Variants in IQSEC1 observed in about 807,000 individuals in gnomAD.
IQSEC1 encodes IQ motif and SEC7 domain-containing protein 1.
Under a neutral mutation model 91.0 loss-of-function variants are expected in IQSEC1, and 31 were observed. The ratio of observed to expected loss-of-function variants is 0.34; its 90% CI spans 0.26 to 0.46. IQSEC1 has a LOEUF of 0.46. Among genes scored for constraint, IQSEC1 ranks in the 20% least tolerant of loss-of-function variants. IQSEC1 has a pLI of 1.00. For synonymous variants in IQSEC1, 699 were observed against 662.6 expected, an observed-to-expected ratio of 1.05 and a Z score of -0.84; for missense variants, 1,388 against 1,575.6, an observed-to-expected ratio of 0.88 and a Z score of 2.02.
intron 1 of IQSEC1, among the ~76,000 whole-genome samples, chr3:12,942,620 G>A (rs1419743055): frequency 1.3e-5 from 2 of 151,724 alleles, no homozygotes; most frequent in Admixed American, 6.6e-5. Flanking sequence ...AAAAAGAAAA[G>A]CCCCAATAAT....
chr3:12,964,454 A>G (rs891423153), intron 1 of IQSEC1, among the ~76,000 whole-genome samples: 8 of 152,214 alleles, frequency 5.3e-5, no homozygotes, highest in Non-Finnish European at 8.8e-5. Flanking sequence ...GGAAATTTAC[A>G]AAACAGGAAG....
In IQSEC1 at chr3:12,908,525, G is replaced by T; in HGVS notation, c.2579C>A (p.Ser860Ter). 6.2e-7 allele frequency: 1 copy of T among 1,613,536 alleles called. No homozygotes were observed. The highest frequency in any genetic ancestry group is 8.5e-7 in the Non-Finnish European group (1 of 1,180,014). The change falls in exon 12 of 14, where the codon TCG becomes TAG. Residue 860 changes from serine (S) to a stop codon, truncating the protein, a stop_gained and splice_region_variant. Transcript: ENST00000613206. LOFTEE classifies it high-confidence loss of function. This position sits in a 1 kb window ranked among gnomAD's most constrained non-coding sequence, Gnocchi z 4.9. ...VQEMEKHRIESELEKQKGVVR... is the reference protein window; with the variant it reads ...VQEMEKHRIE ...GACGCCTTTCTGCTTCTCGAGCTCC[G>T]CTGGAACAGAGAGGGTGAGGGTCCT...
At chr3:13,040,726 G>A (rs1054656506) in intron 1 of IQSEC1, among the ~76,000 whole-genome samples, 2 of 152,174 alleles carry the variant, frequency 1.3e-5, no homozygotes, top group African/African-American at 4.8e-5. Context: ...AAGCCTCTGG[G>A]TTTTTCCCAT....
At chr3:13,137,147 A>G (rs577388955) in intron 2 of IQSEC1, among the ~76,000 whole-genome samples, 3 of 152,094 alleles carry the variant, frequency 2.0e-5, no homozygotes, top group Non-Finnish European at 4.4e-5. Flanking sequence ...AAAGAAAATC[A>G]TTTTGTCATT....
intron 1 of IQSEC1, among the ~76,000 whole-genome samples, chr3:13,192,013 C>T (rs1201989601): frequency 6.6e-6 from 1 of 152,188 alleles, no homozygotes; most frequent in East Asian, 1.9e-4. Context: ...TTCTAGCCTC[C>T]AGTACCTCAT....
At chr3:12,993,185 G>A (rs1702066719) in intron 1 of IQSEC1, among the ~76,000 whole-genome samples, 1 of 152,184 alleles carries the variant, frequency 6.6e-6, no homozygotes. Flanking sequence ...TCTCCTGGAG[G>A]TCTACCGGGA....
intron 1 of IQSEC1, among the ~76,000 whole-genome samples, chr3:12,946,643 A>C (rs976780569): frequency 1.8e-4 from 27 of 152,258 alleles, no homozygotes; most frequent in Admixed American, 3.9e-4. Flanking sequence ...ATAACATCAA[A>C]ATGGGGTAAA....
At chr3:13,183,619 T>C (rs1010616202) in intron 1 of IQSEC1, among the ~76,000 whole-genome samples, 1 of 152,126 alleles carries the variant, frequency 6.6e-6, no homozygotes, top group Non-Finnish European at 1.5e-5. Context: ...TAGGCTAAAT[T>C]GGAAGAAGTC....
intron 2 of IQSEC1, among the ~76,000 whole-genome samples, chr3:13,134,450 G>A (rs991519624): frequency 2.6e-5 from 4 of 152,228 alleles, no homozygotes; most frequent in Non-Finnish European, 4.4e-5. Context: ...GAGCCTGGGC[G>A]TCCTGGAGCA....
At chr3:13,281,663 A>C (rs1695792464) in intron 1 of IQSEC1, among the ~76,000 whole-genome samples, 1 of 152,086 alleles carries the variant, frequency 6.6e-6, no homozygotes, top group South Asian at 2.1e-4. Flanking sequence ...GACTCCTGGG[A>C]ATCAGGAACC....
chr3:12,999,502 T>G (rs1206497013), intron 1 of IQSEC1, among the ~76,000 whole-genome samples: 1 of 152,188 alleles, frequency 6.6e-6, no homozygotes, highest in Non-Finnish European at 1.5e-5. Flanking sequence ...CTGTCTGGGT[T>G]GGAGGTCAGT....
At chr3:13,065,677 G>A (rs1461981512) in intron 1 of IQSEC1, among the ~76,000 whole-genome samples, 1 of 152,206 alleles carries the variant, frequency 6.6e-6, no homozygotes, top group East Asian at 1.9e-4. Flanking sequence ...ACAGTATGGC[G>A]GCTCTTCAAA....
At chr3:12,937,225 G>A (rs1467687186) in intron 2 of IQSEC1, among the ~76,000 whole-genome samples, 1 of 152,192 alleles carries the variant, frequency 6.6e-6, no homozygotes, top group Non-Finnish European at 1.5e-5. Flanking sequence ...GAGCCACCAT[G>A]CAGGGCCTCA....
intron 1 of IQSEC1, among the ~76,000 whole-genome samples, chr3:13,071,457 C>G (rs1705424004): frequency 6.6e-6 from 1 of 152,184 alleles, no homozygotes; most frequent in Non-Finnish European, 1.5e-5. Flanking sequence ...TTTAGAATTT[C>G]TCTGGCATCA....
chr3:13,109,066 C>T (rs1706198413), intron 2 of IQSEC1, among the ~76,000 whole-genome samples: 1 of 152,220 alleles, frequency 6.6e-6, no homozygotes, highest in Admixed American at 6.5e-5. Context: ...CAGTGGCCTC[C>T]AACCACCAAC....
At chr3:13,085,919 G>A (rs147813843) in intron 2 of IQSEC1, among the ~76,000 whole-genome samples, 161 of 152,298 alleles carry the variant, frequency 1.1e-3, no homozygotes, top group African/African-American at 3.7e-3. Flanking sequence ...GCTGTCACCC[G>A]CTATCCTTAC....
At chr3:13,162,524 G>A (rs1707196535) in intron 2 of IQSEC1, among the ~76,000 whole-genome samples, 1 of 152,184 alleles carries the variant, frequency 6.6e-6, no homozygotes, top group Admixed American at 6.5e-5. Flanking sequence ...TCCTAGGTCT[G>A]CCCTGAGGAA....
chr3:12,909,129 C>T lies in IQSEC1; in HGVS notation c.2578+144G>A. 1.1e-5 allele frequency: 9 copies of T among 829,766 alleles called. No individual in the cohort carries two copies. In the South Asian group the frequency reaches 1.5e-4, roughly 14 times the overall value. 51.4% of individuals were successfully genotyped at this position (829,766 alleles called of 1,614,324 possible). A position where few individuals can be genotyped will look rare whatever the true frequency, so the allele number is the denominator to read the frequency against. On this transcript the variant is annotated intron_variant, in intron 11 of 13. Transcript: ENST00000613206. This position sits in a 1 kb window ranked among gnomAD's most constrained non-coding sequence, Gnocchi z 4.9. Reference sequence around the variant, plus strand: ...CCTGCAGCCTGGGAACACAGACTGCCCCATCATGTGGCCATAGGGAAGGCC... The same window carrying T: ...CCTGCAGCCTGGGAACACAGACTGCTCCATCATGTGGCCATAGGGAAGGCC...
intron 1 of IQSEC1, among the ~76,000 whole-genome samples, chr3:12,956,917 C>A (rs114520374): frequency 0.021 from 3,136 of 152,272 alleles, 113 homozygotes; most frequent in African/African-American, 0.072. Flanking sequence ...GCGTGGGAAT[C>A]GAGGGAAGAC....
Sources: allele counts gnomAD v4.1 joint callset (sites outside exome capture counted in the v4.1 genomes callset), GRCh38; gene constraint gnomAD v4.1.1; non-coding constraint Gnocchi (gnomAD v3.1); transcripts MANE v1.5; gene names NCBI Gene and HGNC (gene_info 2026-07-23, HGNC 2026-07-21).